Variants in FBXO42 observed in about 807,000 individuals in gnomAD.
FBXO42 encodes the protein F-box only protein 42.
FBXO42 carries 12 observed loss-of-function variants against 71.7 expected under a neutral mutation model. The observed-to-expected ratio is 0.17, with a 90% CI of 0.11 to 0.27. The LOEUF (loss-of-function observed/expected upper bound fraction) is 0.27. FBXO42 is among the 10% of genes least tolerant of loss of function. The probability of loss-of-function intolerance (pLI) is 1.00; values close to 1 mark genes in which losing one functional copy is unlikely to be tolerated. For missense variants in FBXO42, 707 were observed against 911.9 expected, an observed-to-expected ratio of 0.78 and a Z score of 2.89; for synonymous variants, 325 against 327.5, an observed-to-expected ratio of 0.99 and a Z score of 0.08.
Position 16,250,518 on chromosome 1 carries a change from G to C in FBXO42, c.*152C>G. The C allele has an allele frequency of 2.0e-6, 1 of 490,786 alleles. No homozygotes were observed. Among genetic ancestry groups the C allele is most frequent in the Non-Finnish European group, 3.4e-6 (1 of 292,250 alleles). The allele number at this position is 490,786 out of a possible 1,614,324, so 30.4% of individuals were successfully genotyped here. A position where few individuals can be genotyped will look rare whatever the true frequency, so the allele number is the denominator to read the frequency against. ...ATATATAATTTTTTTTCTTAATGGA[G>C]ATTTGATCCCAGCCTGGAGTGACTT... On this transcript the variant is annotated 3_prime_UTR_variant, in exon 10 of 10. Coordinates refer to ENST00000375592, the MANE Select transcript of FBXO42 (RefSeq NM_018994.3). This position sits in a 1 kb window ranked among gnomAD's most constrained non-coding sequence, Gnocchi z 4.7.
At chr1:16,266,825 A>G (rs1053970748) in intron 4 of FBXO42, among the ~76,000 whole-genome samples, 2 of 152,204 alleles carry the variant, frequency 1.3e-5, no homozygotes, top group African/African-American at 4.8e-5. Context: ...TATTTCCCAG[A>G]ATACCATATT....
intron 1 of FBXO42, among the ~76,000 whole-genome samples, chr1:16,321,478 T>C (rs936804579): frequency 6.6e-6 from 1 of 152,224 alleles, no homozygotes; most frequent in African/African-American, 2.4e-5. Flanking sequence ...GTAATTTTCA[T>C]GAAACTGTTT....
intron 4 of FBXO42, among the ~76,000 whole-genome samples, chr1:16,272,154 C>CAA (rs999974704): frequency 3.9e-3 from 173 of 44,510 alleles, no homozygotes; most frequent in South Asian, 6.5e-3. Context: ...GACTCCGTCC[C>CAA]AAAAAAAAAA....
At chr1:16,278,322 A>G (rs1418470992) in intron 4 of FBXO42, among the ~76,000 whole-genome samples, 6 of 151,554 alleles carry the variant, frequency 4.0e-5, no homozygotes, top group Non-Finnish European at 7.4e-5. Flanking sequence ...ACGCCATTGC[A>G]CTCCAGCCTG....
chr1:16,282,135 T>C (rs2081970628), intron 4 of FBXO42, among the ~76,000 whole-genome samples: 1 of 152,108 alleles, frequency 6.6e-6, no homozygotes, highest in Non-Finnish European at 1.5e-5. Flanking sequence ...AGAGCTCACA[T>C]ATTATACAGT....
chr1:16,252,325 T>C lies in FBXO42; in HGVS notation c.1001A>G (p.His334Arg), dbSNP rs964182993. The C allele has an allele frequency of 1.2e-6, 2 of 1,614,234 alleles. No homozygotes were observed. The highest frequency in any genetic ancestry group is 1.1e-5 in the South Asian group (1 of 91,088). The change falls in exon 9 of 10, where the codon CAT becomes CGT. Residue 334 changes from histidine to arginine, a missense_variant. Physicochemically the swap from His to Arg is conservative, Grantham distance 29. This residue lies in a region of FBXO42 where 482 missense variants were observed against 587.1 expected (regional missense o/e 0.82). Coordinates refer to ENST00000375592, the MANE Select transcript of FBXO42 (RefSeq NM_018994.3). This position sits in a 1 kb window ranked among gnomAD's most constrained non-coding sequence, Gnocchi z 4.4. ...WQPLKVENEE[H>R]GAPELWCHPA... ...ATGGCACCACAGTTCTGGGGCCCCA[T>C]GCTCTTCATTTTCTACCTTGAGTGG...
intron 3 of FBXO42, among the ~76,000 whole-genome samples, chr1:16,300,893 CTTTTTTTT>C (rs34549210): frequency 5.0e-5 from 5 of 100,896 alleles, no homozygotes; most frequent in African/African-American, 1.2e-4. Flanking sequence ...TAGAATTGGC[CTTTTTTTT>C]TTTTTTTTTT....
rs1026479047 is a variant in FBXO42, at chr1:16,252,872, T to C, written c.921+224A>G. ...AATAGGAATGGGAAGAATATAGATA[T>C]GAATATTCAAGAGACAAATATCTAT... is the stretch of plus-strand genomic sequence containing the variant. On this transcript the variant is annotated intron_variant, in intron 8 of 9. Transcript: ENST00000375592. This position sits in a 1 kb window ranked among gnomAD's most constrained non-coding sequence, Gnocchi z 4.4. Among the ~76,000 whole-genome samples the C allele has an allele frequency of 2.6e-5, 4 of 152,032 alleles. No individual in the cohort carries two copies. The highest frequency in any genetic ancestry group is 7.3e-5 in the African/African-American group (3 of 41,364).
At chr1:16,293,612 C>G (rs1483096053) in intron 4 of FBXO42, 1 of 152,202 alleles carries the variant, frequency 6.6e-6, no homozygotes, top group African/African-American at 2.4e-5. Flanking sequence ...CAAAGCCCAG[C>G]TCCACCCATG....
At chr1:16,350,123 AT>A (rs1317361190) in intron 1 of FBXO42, among the ~76,000 whole-genome samples, 2 of 151,858 alleles carry the variant, frequency 1.3e-5, no homozygotes, top group African/African-American at 4.8e-5. Flanking sequence ...ATCCTAAGCT[AT>A]TTTTTTTCTG....
chr1:16,313,324 C>A (rs11802886), intron 2 of FBXO42, among the ~76,000 whole-genome samples: 1 of 137,712 alleles, frequency 7.3e-6, no homozygotes, highest in African/African-American at 2.9e-5. Context: ...GAAAAGAAAA[C>A]AAAGAAAGAA....
rs532485527 is a variant in FBXO42 at position 16,280,261 on chromosome 1, G to A, written c.502+14522C>T. Among the ~76,000 whole-genome samples, 11 of 152,204 alleles carry A rather than the reference G, an allele frequency of 7.2e-5. No homozygotes were observed. In the South Asian group the frequency reaches 8.3e-4, roughly 11 times the overall value. On this transcript the variant is annotated intron_variant, in intron 4 of 9. Coordinates refer to ENST00000375592, the MANE Select transcript of FBXO42 (RefSeq NM_018994.3). The stretch of plus-strand genomic sequence containing the variant: ...AAGATAAACATCCAAGTTGAAGAGT[G>A]GTCTATAAGATACCTGACCAGTATT...
chr1:16,315,433 C>CA lies in FBXO42; in HGVS notation c.-16dup. The CA allele has an allele frequency of 1.2e-6, 2 of 1,612,750 alleles. No individual in the cohort carries two copies. Among genetic ancestry groups the CA allele is most frequent in the Non-Finnish European group, 1.7e-6 (2 of 1,179,388 alleles). ...GAGCTGGCCATGACATTCCACTCAACAGCTGTAATAGGTAAAACATAAATA... is the reference window on the plus strand; with the variant it reads ...GAGCTGGCCATGACATTCCACTCAACAAGCTGTAATAGGTAAAACATAAATA... On this transcript the variant is annotated splice_region_variant and 5_prime_UTR_variant, in exon 2 of 10. Coordinates refer to ENST00000375592, the MANE Select transcript of FBXO42 (RefSeq NM_018994.3).
chr1:16,326,361 A>G (rs1274279970), intron 1 of FBXO42, among the ~76,000 whole-genome samples: 1 of 150,472 alleles, frequency 6.6e-6, no homozygotes, highest in African/African-American at 2.4e-5. Flanking sequence ...CAGCCTCTTT[A>G]TTGTTAATAC....
chr1:16,258,743 T>C (rs994284458), intron 4 of FBXO42, among the ~76,000 whole-genome samples: 1 of 151,846 alleles, frequency 6.6e-6, no homozygotes, highest in African/African-American at 2.4e-5. Context: ...TCTTTATTTA[T>C]TTATTAATCT....
At position 16,252,645 on chromosome 1, in the gene FBXO42, G is replaced by A. The variant is rs752722120; in HGVS notation, c.922-241C>T. Among the ~76,000 whole-genome samples the A allele has an allele frequency of 6.6e-6, 1 of 152,338 alleles. No individual in the cohort carries two copies. The highest frequency in any genetic ancestry group is 6.5e-5 in the Admixed American group (1 of 15,300). On this transcript the variant is annotated intron_variant, in intron 8 of 9. Coordinates refer to ENST00000375592, the MANE Select transcript of FBXO42 (RefSeq NM_018994.3). This position sits in a 1 kb window ranked among gnomAD's most constrained non-coding sequence, Gnocchi z 4.4. ...TGTGCTTGTGACCCATGAATCAACT[G>A]AGTGGTTTTGACACTTGCCCATAAT...
At chr1:16,309,089 A>G (rs2082286287) in intron 2 of FBXO42, among the ~76,000 whole-genome samples, 1 of 90,314 alleles carries the variant, frequency 1.1e-5, no homozygotes, top group African/African-American at 4.5e-5. Flanking sequence ...TTTTTTTGAG[A>G]CAGAGTGTCA....
intron 1 of FBXO42, among the ~76,000 whole-genome samples, chr1:16,344,872 G>A (rs1364725215): frequency 6.6e-6 from 1 of 152,122 alleles, no homozygotes. Flanking sequence ...GCCAAGGTGA[G>A]TGGATCATCT....
At position 16,313,315 on chromosome 1, in the gene FBXO42, A is replaced by AAAG. The variant is rs1362981066; in HGVS notation, c.250+1853_250+1854insCTT. ...GAAAGAGAGAGAAAGAAAGAAAGAG[A>AAAG]AAAGAAAACAAAGAAAGAAAGAAAG... On this transcript the variant is annotated intron_variant, in intron 2 of 9. Transcript: ENST00000375592. 1.3e-3 allele frequency among the ~76,000 whole-genome samples: 182 copies of AAAG among 139,574 alleles called. 1 individual carries two copies. Among genetic ancestry groups the AAAG allele is most frequent in the African/African-American group, 4.9e-3 (176 of 35,926 alleles). The allele number at this position is 139,574 out of a possible 152,430, so 91.6% of individuals were successfully genotyped here. A position where few individuals can be genotyped will look rare whatever the true frequency, so the allele number is the denominator to read the frequency against.
Sources: gnomAD v4.1 joint callset for allele counts (sites outside exome capture counted in the v4.1 genomes callset) on GRCh38, gnomAD v4.1.1 for gene constraint, gnomAD v4.1.1 regional missense constraint, Gnocchi (gnomAD v3.1) non-coding constraint, MANE v1.5 for transcripts, NCBI Gene and HGNC (gene_info 2026-07-23, HGNC 2026-07-21) for gene names.